The following DPYD variants were observed in gnomAD, a reference collection of about 807,000 sequenced individuals.
DPYD encodes dihydropyrimidine dehydrogenase.
In DPYD, 109 loss-of-function variants were observed where a neutral mutation model predicts 116.2. The ratio of observed to expected loss-of-function variants is 0.94; its 90% CI spans 0.80 to 1.10. The LOEUF (loss-of-function observed/expected upper bound fraction) is 1.10, where lower values mean the gene tolerates loss of function less well. Among genes scored for constraint, DPYD ranks in the 50% least tolerant of loss-of-function variants. The pLI, the probability that DPYD is intolerant of heterozygous loss-of-function variation, is 0.00. For missense variants in DPYD, 1,302 were observed against 1,254.5 expected (o/e 1.04, Z -0.57); for synonymous variants, 440 against 432.0 (o/e 1.02, Z -0.23).
At chr1:97,651,720 A>G (rs915090780) in intron 8 of DPYD, among the ~76,000 whole-genome samples, 2 of 152,202 alleles carry the variant, frequency 1.3e-5, no homozygotes, top group African/African-American at 4.8e-5. Context: ...AATATGCTTT[A>G]TCAGGAGCTA....
chr1:97,540,339 G>A (rs1375180969), intron 12 of DPYD, among the ~76,000 whole-genome samples: 1 of 134,524 alleles, frequency 7.4e-6, no homozygotes, highest in Non-Finnish European at 1.6e-5. Flanking sequence ...GGTGGGGGGT[G>A]GGGGTGGCGG....
intron 1 of DPYD, among the ~76,000 whole-genome samples, chr1:97,912,529 T>C (rs1431349255): frequency 2.0e-5 from 3 of 152,230 alleles, no homozygotes; most frequent in Admixed American, 6.5e-5. Flanking sequence ...AGGAAAGAAA[T>C]GTACTACATC....
chr1:97,584,775 A>G, intron 10 of DPYD, among the ~76,000 whole-genome samples: 1 of 132,594 alleles, frequency 7.5e-6, no homozygotes, highest in Non-Finnish European at 1.6e-5. Flanking sequence ...CAGGAAGGGG[A>G]ACATCACACA....
chr1:97,561,784 C>G (rs1652170569), intron 11 of DPYD, among the ~76,000 whole-genome samples: 1 of 152,186 alleles, frequency 6.6e-6, no homozygotes. Flanking sequence ...ATGTATTCAT[C>G]CAGCCTGTTT....
At chr1:97,096,880 T>C (rs1650290805) in intron 21 of DPYD, among the ~76,000 whole-genome samples, 1 of 152,094 alleles carries the variant, frequency 6.6e-6, no homozygotes, top group Non-Finnish European at 1.5e-5. Flanking sequence ...TGCTCACTCT[T>C]TGGGTCCTTG....
At chr1:97,680,558 A>G (rs1482078662) in intron 7 of DPYD, among the ~76,000 whole-genome samples, 1 of 152,192 alleles carries the variant, frequency 6.6e-6, no homozygotes, top group Admixed American at 6.5e-5. Context: ...AGGAGATCAG[A>G]AATAGTTCAG....
Position 97,114,415 on chromosome 1 carries a change from A to G in DPYD, c.2623-15783T>C, listed in dbSNP as rs563525704. ...TCTAATGTGAATTCAAGGAGAAAAT[A>G]GCATAAGCAATATTTGTTCCTTCAA... On this transcript the variant is annotated intron_variant, in intron 20 of 22. Transcript: ENST00000370192. Among the ~76,000 whole-genome samples the G allele has an allele frequency of 4.6e-5, 7 of 152,324 alleles. 1 individual carries two copies. The South Asian group carries it at 1.4e-3, about 32-fold the overall frequency.
intron 4 of DPYD, among the ~76,000 whole-genome samples, chr1:97,730,619 T>C (rs1479643443): frequency 6.6e-6 from 1 of 152,060 alleles, no homozygotes; most frequent in East Asian, 1.9e-4. Context: ...ATAACATGAA[T>C]ATATATTTTA....
chr1:97,257,476 G>A (rs1315996215), intron 18 of DPYD, among the ~76,000 whole-genome samples: 1 of 149,766 alleles, frequency 6.7e-6, no homozygotes, highest in Non-Finnish European at 1.5e-5. Context: ...GAGAGAGAGA[G>A]CACGTGAGTT....
chr1:97,184,134 T>C lies in DPYD; in HGVS notation c.2622+8935A>G, dbSNP rs972593077. On this transcript the variant is annotated intron_variant, in intron 20 of 22. Coordinates refer to ENST00000370192, the MANE Select transcript of DPYD (RefSeq NM_000110.4). ...TGGTTGCATAGTATTCCATAGTGTA[T>C]ATGTACCACATTTTCTTTATCCAAT... Among the ~76,000 whole-genome samples, 3 of 152,166 alleles carry C rather than the reference T, an allele frequency of 2.0e-5. No individual in the cohort carries two copies. In the East Asian group the frequency reaches 5.8e-4, roughly 29 times the overall value.
intron 4 of DPYD, 151 bp from the exon 5 acceptor site, chr1:97,721,822 C>T (rs1216222660): frequency 5.5e-6 from 4 of 724,078 alleles, no homozygotes. Context: ...TATCAGGAAC[C>T]ATCAATTAAA....
chr1:97,377,422 T>C (rs12738091), intron 15 of DPYD, among the ~76,000 whole-genome samples: 26,164 of 152,176 alleles, frequency 0.17, 2,895 homozygotes, highest in Non-Finnish European at 0.25. Flanking sequence ...TAAATACTTA[T>C]CTATCCATCC....
chr1:97,235,090 C>G, intron 18 of DPYD, 96 bp from the exon 19 acceptor site: 1 of 1,454,460 alleles, frequency 6.9e-7, no homozygotes, highest in Non-Finnish European at 9.6e-7. Flanking sequence ...GACAGCGTCA[C>G]TGGACAAATT....
At chr1:97,395,626 T>C (rs752986356) in intron 14 of DPYD, among the ~76,000 whole-genome samples, 14 of 152,114 alleles carry the variant, frequency 9.2e-5, no homozygotes, top group East Asian at 3.9e-4. Flanking sequence ...TTTGAAAAAA[T>C]TGTTCCCTCC....
chr1:97,619,792 T>C (rs1046586268), intron 8 of DPYD, among the ~76,000 whole-genome samples: 1 of 152,158 alleles, frequency 6.6e-6, no homozygotes, highest in Non-Finnish European at 1.5e-5. Context: ...AATGGATATA[T>C]TTAATATGAA....
chr1:97,233,562 A>C (rs946608387), intron 19 of DPYD, among the ~76,000 whole-genome samples: 1 of 152,040 alleles, frequency 6.6e-6, no homozygotes, highest in Non-Finnish European at 1.5e-5. Flanking sequence ...TGTTGGGTGG[A>C]GCAGGGAAGT....
chr1:97,628,792 C>T (rs531243379), intron 8 of DPYD, among the ~76,000 whole-genome samples: 37 of 151,984 alleles, frequency 2.4e-4, no homozygotes, highest in South Asian at 6.2e-4. Context: ...GAATGTACTA[C>T]GTACTAGTAA....
intron 18 of DPYD, among the ~76,000 whole-genome samples, chr1:97,270,256 A>G (rs1033360631): frequency 3.3e-5 from 5 of 152,186 alleles, no homozygotes; most frequent in African/African-American, 7.2e-5. Context: ...TTCCCAAAGG[A>G]AAGATATATG....
chr1:97,497,803 T>C (rs1679354664), intron 13 of DPYD, among the ~76,000 whole-genome samples: 1 of 151,748 alleles, frequency 6.6e-6, no homozygotes, highest in Non-Finnish European at 1.5e-5. Context: ...AGAGTTACCA[T>C]ATTACCCAGA....
Sources: gnomAD v4.1 joint callset for allele counts (sites outside exome capture counted in the v4.1 genomes callset) on GRCh38, gnomAD v4.1.1 for gene constraint, MANE v1.5 for transcripts, NCBI Gene and HGNC (gene_info 2026-07-23, HGNC 2026-07-21) for gene names.